STAB2: variants seen among roughly 807,000 people sequenced by gnomAD.
STAB2 encodes stabilin-2.
STAB2 carries 288 observed loss-of-function variants against 338.1 expected under a neutral mutation model. The observed-to-expected ratio is 0.85, with a 90% CI of 0.77 to 0.94. The LOEUF (loss-of-function observed/expected upper bound fraction) is 0.94. STAB2 is among the 40% of genes least tolerant of loss of function. STAB2 has a pLI of 0.00. For synonymous variants in STAB2, 1,202 were observed against 1,193.3 expected (o/e 1.01, Z -0.15); for missense variants, 3,141 against 3,210.1 (o/e 0.98, Z 0.52).
At chr12:103,599,205 A>G (rs1232737564) in intron 3 of STAB2, among the ~76,000 whole-genome samples, 2 of 152,236 alleles carry the variant, frequency 1.3e-5, no homozygotes, top group African/African-American at 4.8e-5. Flanking sequence ...CTTAGGAGAT[A>G]AAGTTACAGA....
At chr12:103,676,906 C>A (rs763248068) in intron 24 of STAB2, among the ~76,000 whole-genome samples, 2 of 152,226 alleles carry the variant, frequency 1.3e-5, no homozygotes, top group African/African-American at 2.4e-5. Flanking sequence ...CACCTGACCC[C>A]AGCCTACAGA....
intron 58 of STAB2, among the ~76,000 whole-genome samples, chr12:103,747,115 C>T (rs1038213074): frequency 2.0e-5 from 3 of 152,000 alleles, no homozygotes; most frequent in African/African-American, 7.2e-5. Flanking sequence ...CGCCACCGCA[C>T]CTGGCTAACT....
chr12:103,654,668 G>T lies in STAB2; in HGVS notation c.1521G>T (p.Lys507Asn), dbSNP rs149524008. 16,600 of 1,614,112 alleles carry T rather than the reference G, an allele frequency of 0.01. 131 individuals are homozygous for T. The highest frequency in any genetic ancestry group is 0.011 in the Non-Finnish European group (13,238 of 1,179,994). Reference protein sequence around the residue: ...LLHILDRAMDKLEPTFESNNE... With the variant: ...LLHILDRAMDNLEPTFESNNE... ...ACATCCTTGACAGAGCCATGGACAAGTTAGAACCCACATTTGAGAGCAACA... is the reference window on the plus strand; with the variant it reads ...ACATCCTTGACAGAGCCATGGACAATTTAGAACCCACATTTGAGAGCAACA... Residue 507 changes from lysine (K) to asparagine (N), a missense_variant, in exon 13 of 69, where the codon AAG (lysine) becomes AAT (asparagine). Lys to Asn is a moderately conservative substitution (Grantham distance 94). Transcript: ENST00000388887.
In STAB2 at chr12:103,655,566, C is replaced by T. The variant is rs776127403; in HGVS notation, c.1719C>T (p.Tyr573=). 2.7e-5 allele frequency: 43 copies of T among 1,613,696 alleles called. No homozygotes were observed. Among genetic ancestry groups the T allele is most frequent in the Non-Finnish European group, 3.6e-5 (43 of 1,179,974 alleles). Reference sequence around the variant, plus strand: ...ACATGAAGGACGGCACTCTCGATTACCTCCTTTCTCCAGAGGTACCGTATT... The same window carrying T: ...ACATGAAGGACGGCACTCTCGATTATCTCCTTTCTCCAGAGGTACCGTATT... ...LNNMKDGTLD[Y]LLSPEGSRKL... is the part of the protein sequence containing the mutation. Residue 573 remains tyrosine (Y), a synonymous_variant, in exon 15 of 69, where the codon TAC becomes TAT. Transcript: ENST00000388887.
chr12:103,733,012 G>A lies in STAB2; in HGVS notation c.5290G>A (p.Gly1764Ser), dbSNP rs1363913838. The part of the protein sequence containing the change: ...IKFSNLIQDS[G>S]LLSVITDPIH... ...CTGAATCCCTGTGTTTCAGGACTCAGGTTTGCTGAGTGTCATCACCGATCC... is the reference window on the plus strand; with the variant it reads ...CTGAATCCCTGTGTTTCAGGACTCAAGTTTGCTGAGTGTCATCACCGATCC... Residue 1764 changes from glycine (G) to serine (S), a missense_variant, in exon 51 of 69, where the codon GGT becomes AGT. Physicochemically the swap from Gly to Ser is moderately conservative, Grantham distance 56 (BLOSUM62 0). Coordinates refer to ENST00000388887, the MANE Select transcript of STAB2 (RefSeq NM_017564.10). The A allele has an allele frequency of 6.2e-7, 1 of 1,613,666 alleles. No homozygotes were observed.
intron 27 of STAB2, 94 bp from the exon 28 acceptor site, chr12:103,688,074 G>C (rs932512958): frequency 7.9e-7 from 1 of 1,258,904 alleles, no homozygotes; most frequent in Non-Finnish European, 1.2e-6. Flanking sequence ...CTGAGTGCAG[G>C]TGACCCAGAG....
At chr12:103,688,816 T>C (rs1477303350) in intron 28 of STAB2, among the ~76,000 whole-genome samples, 1 of 152,204 alleles carries the variant, frequency 6.6e-6, no homozygotes, top group Non-Finnish European at 1.5e-5. Context: ...AGACTCTTCA[T>C]TCTTGGTCTC....
At chr12:103,695,410 G>A (rs1878308680) in intron 31 of STAB2, 140 bp from the exon 32 acceptor site, 1 of 705,982 alleles carries the variant, frequency 1.4e-6, no homozygotes, top group Non-Finnish European at 2.4e-6. Flanking sequence ...TTTTTATACT[G>A]TGAGTAATCT....
At chr12:103,649,624 A>C (rs1474909010) in intron 10 of STAB2, among the ~76,000 whole-genome samples, 1 of 152,212 alleles carries the variant, frequency 6.6e-6, no homozygotes, top group Non-Finnish European at 1.5e-5. Flanking sequence ...AAACCAGTGT[A>C]ATTGATGGGT....
chr12:103,602,796 A>G (rs703606), intron 3 of STAB2, among the ~76,000 whole-genome samples: 60,042 of 151,916 alleles, frequency 0.4, 13,338 homozygotes, highest in East Asian at 0.62. Context: ...AATATTTAAG[A>G]TATTAGATGT....
At chr12:103,637,498 C>T (rs763865887) in intron 7 of STAB2, among the ~76,000 whole-genome samples, 2 of 152,108 alleles carry the variant, frequency 1.3e-5, no homozygotes, top group African/African-American at 2.4e-5. Context: ...CTTATTTTAT[C>T]TTTTTGATTT....
At position 103,644,403 on chromosome 12, in the gene STAB2, G is replaced by A. The variant is rs1000428157; in HGVS notation, c.1040+4147G>A. Reference sequence around the variant, plus strand: ...AGGGACACAAACACTGCGGAAGGCCGCAGGGTCCTCTGCATAGGAAAACCA... The same window carrying A: ...AGGGACACAAACACTGCGGAAGGCCACAGGGTCCTCTGCATAGGAAAACCA... On this transcript the variant is annotated intron_variant, in intron 9 of 68. Coordinates refer to ENST00000388887, the MANE Select transcript of STAB2 (RefSeq NM_017564.10). 4.0e-5 allele frequency among the ~76,000 whole-genome samples: 6 copies of A among 149,952 alleles called. No individual in the cohort carries two copies. The Middle Eastern group carries it at 0.01, about 257-fold the overall frequency.
chr12:103,641,800 T>A lies in STAB2; in HGVS notation c.1040+1544T>A, dbSNP rs114558338. ...CATTGTGATGTTAGGGGTACATGTA[T>A]CACCCACAAACCTTCCCACACCTCA... On this transcript the variant is annotated intron_variant, in intron 9 of 68. Coordinates refer to ENST00000388887, the MANE Select transcript of STAB2 (RefSeq NM_017564.10). Among the ~76,000 whole-genome samples, 701 of 152,300 alleles carry A rather than the reference T, an allele frequency of 4.6e-3. 5 individuals are homozygous for A. Among genetic ancestry groups the A allele is most frequent in the African/African-American group, 0.016 (663 of 41,544 alleles).
chr12:103,685,039 G>A lies in STAB2; in HGVS notation c.2952G>A (p.Glu984=). 4 of 1,614,014 alleles carry A rather than the reference G, an allele frequency of 2.5e-6. No individual in the cohort carries two copies. The highest frequency in any genetic ancestry group is 3.4e-6 in the Non-Finnish European group (4 of 1,179,924). ...GTGTCTGGAGCTGTGTTTGTCAAGAGGGCTATGAAGGAGATGGCTTTCTGT... is the reference window on the plus strand; with the variant it reads ...GTGTCTGGAGCTGTGTTTGTCAAGAAGGCTATGAAGGAGATGGCTTTCTGT... The part of the protein sequence containing the change: ...SSGVWSCVCQ[E]GYEGDGFLCY... The change falls in exon 27 of 69, where the codon GAG becomes GAA. Residue 984 remains glutamate, a synonymous_variant. Coordinates refer to ENST00000388887, the MANE Select transcript of STAB2 (RefSeq NM_017564.10).
Position 103,692,822 on chromosome 12 carries a change from T to A in STAB2, c.3308T>A (p.Ile1103Asn), listed in dbSNP as rs778176021. ...GGTTTGCATTTACAGAATATCACAA[T>A]TGAAGGGGCCTCCATTGTCGATGGG... ...HLAKVDGNIT[I>N]EGASIVDGDN... is the part of the protein sequence containing the mutation. The change falls in exon 31 of 69, where the codon ATT (isoleucine) becomes AAT (asparagine). Residue 1103 changes from isoleucine to asparagine, a missense_variant. By Grantham distance (149) the Ile-to-Asn change is moderately radical (BLOSUM62 -3). Coordinates refer to ENST00000388887, the MANE Select transcript of STAB2 (RefSeq NM_017564.10). 4 of 1,613,466 alleles carry A rather than the reference T, an allele frequency of 2.5e-6. No individual in the cohort carries two copies. In the South Asian group the frequency reaches 4.4e-5, roughly 18 times the overall value.
intron 44 of STAB2, 86 bp downstream of exon 44, chr12:103,717,927 G>T (rs575480161): frequency 7.3e-7 from 1 of 1,365,756 alleles, no homozygotes; most frequent in Non-Finnish European, 1.0e-6. Context: ...CAGAGTTGAG[G>T]AACTCTTCCT....
chr12:103,631,483 A>G, intron 5 of STAB2, 115 bp from the exon 6 acceptor site: 1 of 988,896 alleles, frequency 1.0e-6, no homozygotes, highest in East Asian at 2.4e-5. Flanking sequence ...GAGAGGAGCC[A>G]AAGTTCAAAC....
At position 103,622,085 on chromosome 12, in the gene STAB2, A is replaced by G. The variant is rs1957311235; in HGVS notation, c.461A>G (p.Asn154Ser). The change falls in exon 5 of 69, where the codon AAC becomes AGC. Residue 154 changes from asparagine to serine, a missense_variant. Asn to Ser is a conservative substitution (Grantham distance 46). Coordinates refer to ENST00000388887, the MANE Select transcript of STAB2 (RefSeq NM_017564.10). ...GTACETCADD[N>S]LFGPSCSSVC... ...GCCTGTGAAACCTGTGCTGACGACA[A>G]CTTATTTGGACCCAGCTGTTCATCA... 6.2e-7 allele frequency: 1 copy of G among 1,614,096 alleles called. No individual in the cohort carries two copies. The highest frequency in any genetic ancestry group is 8.5e-7 in the Non-Finnish European group (1 of 1,180,044).
intron 44 of STAB2, among the ~76,000 whole-genome samples, chr12:103,721,718 A>G (rs703655): frequency 0.3 from 46,261 of 152,152 alleles, 10,121 homozygotes; most frequent in African/African-American, 0.62. Context: ...AGGTGGACAT[A>G]GTGGCTCATG....
Sources: gnomAD v4.1 joint callset for allele counts (sites outside exome capture counted in the v4.1 genomes callset) on GRCh38, gnomAD v4.1.1 for gene constraint, MANE v1.5 for transcripts, NCBI Gene and HGNC (gene_info 2026-07-23, HGNC 2026-07-21) for gene names.